Variants in SLC7A8 observed in about 807,000 individuals in gnomAD.
The protein encoded by SLC7A8 is solute carrier family 7 member 8.
SLC7A8 carries 30 observed loss-of-function variants against 51.2 expected under a neutral mutation model. That is an observed-to-expected ratio of 0.59 (90% CI 0.44 to 0.80). The LOEUF is 0.80. SLC7A8 is among the 30% of genes least tolerant of loss of function. The probability of loss-of-function intolerance (pLI) is 0.00; values close to 1 mark genes in which losing one functional copy is unlikely to be tolerated. For missense variants in SLC7A8, 612 were observed against 674.4 expected, an observed-to-expected ratio of 0.91 and a Z score of 1.03; for synonymous variants, 257 against 275.8, an observed-to-expected ratio of 0.93 and a Z score of 0.67.
rs143587255 is a variant in SLC7A8, at chr14:23,127,221, T to C, written c.1564A>G (p.Thr522Ala). The change falls in exon 11 of 11, where the codon ACT (threonine) becomes GCT (alanine). Residue 522 changes from threonine to alanine, a missense_variant. Transcript: ENST00000316902. Reference sequence around the variant, plus strand: ...GCCACGTCCTTGTCCTTCGTGGGAGTGGGTTGGTACATGGGCTGCTGCTGC... The same window carrying C: ...GCCACGTCCTTGTCCTTCGTGGGAGCGGGTTGGTACATGGGCTGCTGCTGC... ...EEQQQPMYQP[T>A]PTKDKDVAGQ... 1 of 1,613,860 alleles carries C rather than the reference T, an allele frequency of 6.2e-7. No individual in the cohort carries two copies.
intron 3 of SLC7A8, chr14:23,154,497 C>A: frequency 1.0e-5 from 10 of 984,114 alleles, no homozygotes; most frequent in South Asian, 4.7e-5. Context: ...CCGCCTCCCC[C>A]GCTTGTGGAA....
chr14:23,160,533 T>C (rs556475730), intron 3 of SLC7A8, among the ~76,000 whole-genome samples: 21 of 144,346 alleles, frequency 1.5e-4, no homozygotes, highest in Non-Finnish European at 2.7e-4. Context: ...ATCGCGCCAC[T>C]GCACTCCAGC....
Position 23,131,566 on chromosome 14 carries a change from G to C in SLC7A8, c.1017-9C>G, listed in dbSNP as rs373515514. ...CTCCAGCGAAGAACAGCCTGTCAGG[G>C]AGAAAAGCAGGTCAGCCTGGGATAA... is the stretch of plus-strand genomic sequence containing the variant. On this transcript the variant is annotated splice_polypyrimidine_tract_variant and intron_variant, in intron 7 of 10. Transcript: ENST00000316902. 7.5e-6 allele frequency: 12 copies of C among 1,591,662 alleles called. No homozygotes were observed. The highest frequency in any genetic ancestry group is 9.4e-6 in the Non-Finnish European group (11 of 1,169,480).
At chr14:23,178,235 C>T (rs531702071) in intron 1 of SLC7A8, among the ~76,000 whole-genome samples, 39 of 152,286 alleles carry the variant, frequency 2.6e-4, no homozygotes, top group South Asian at 2.1e-3. Context: ...GCTCTGGTAT[C>T]ATTAATAAAT....
At chr14:23,127,379 C>G in intron 10 of SLC7A8, 36 bp from the exon 11 acceptor site, 1 of 1,605,428 alleles carries the variant, frequency 6.2e-7, no homozygotes, top group Non-Finnish European at 8.5e-7. Flanking sequence ...CAGGCCAATG[C>G]TGAGTATCCC....
intron 3 of SLC7A8, chr14:23,155,233 C>A: frequency 6.5e-7 from 1 of 1,536,086 alleles, no homozygotes; most frequent in Non-Finnish European, 8.7e-7. Context: ...GGAAGGGCCT[C>A]TCTCTTCCAA....
At chr14:23,135,049 G>A (rs1322059722) in intron 7 of SLC7A8, among the ~76,000 whole-genome samples, 1 of 152,076 alleles carries the variant, frequency 6.6e-6, no homozygotes, top group African/African-American at 2.4e-5. Context: ...TTACAGGCGT[G>A]AGCCACCACG....
intron 7 of SLC7A8, among the ~76,000 whole-genome samples, chr14:23,131,995 C>G (rs1437498325): frequency 6.8e-6 from 1 of 146,440 alleles, no homozygotes; most frequent in African/African-American, 2.5e-5. Flanking sequence ...TTTAAAAACA[C>G]TCTATTTTTT....
intron 7 of SLC7A8, among the ~76,000 whole-genome samples, chr14:23,137,679 A>G (rs958208340): frequency 6.6e-6 from 1 of 152,284 alleles, no homozygotes; most frequent in Non-Finnish European, 1.5e-5. Context: ...GAGACAGGCC[A>G]CTACATGTGA....
At chr14:23,155,569 CG>C in intron 3 of SLC7A8, 2 of 1,104,264 alleles carry the variant, frequency 1.8e-6, no homozygotes, top group Non-Finnish European at 2.3e-6. Context: ...TGGCCTGGAT[CG>C]GGGAGAAGCG....
chr14:23,136,712 A>G (rs896693590), intron 7 of SLC7A8, among the ~76,000 whole-genome samples: 5 of 152,246 alleles, frequency 3.3e-5, no homozygotes, highest in African/African-American at 1.2e-4. Flanking sequence ...GACCACATGC[A>G]CGCAGACCGC....
At chr14:23,178,106 G>A (rs563142950) in intron 1 of SLC7A8, among the ~76,000 whole-genome samples, 1 of 152,280 alleles carries the variant, frequency 6.6e-6, no homozygotes, top group East Asian at 1.9e-4. Flanking sequence ...TGGAGGAAGA[G>A]GTAATAAAGT....
rs149245114 is a variant in SLC7A8 at position 23,143,159 on chromosome 14, C to T, written c.554G>A (p.Arg185Gln). 34 of 1,614,024 alleles carry T rather than the reference C, an allele frequency of 2.1e-5. No individual in the cohort carries two copies. Among genetic ancestry groups the T allele is most frequent in the African/African-American group, 6.7e-5 (5 of 74,904 alleles). The change falls in exon 4 of 11, where the codon CGG (arginine) becomes CAG (glutamine). Residue 185 changes from arginine to glutamine, a missense_variant. Arg to Gln is a conservative substitution (Grantham distance 43). Coordinates refer to ENST00000316902, the MANE Select transcript of SLC7A8 (RefSeq NM_012244.4). Reference sequence around the variant, plus strand: ...CCCAGCTGTGAAGATGTCTTGAACCCGGGTGGCCCACCGCACACTGGAACA... The same window carrying T: ...CCCAGCTGTGAAGATGTCTTGAACCTGGGTGGCCCACCGCACACTGGAACA... ...VNCSSVRWATRVQDIFTAGKL... is the reference protein window; with the variant it reads ...VNCSSVRWATQVQDIFTAGKL...
intron 3 of SLC7A8, among the ~76,000 whole-genome samples, chr14:23,161,809 C>G (rs1043981811): frequency 6.6e-6 from 1 of 151,810 alleles, no homozygotes; most frequent in Non-Finnish European, 1.5e-5. Flanking sequence ...TGCCTGTAAT[C>G]CCAGCAACCT....
At position 23,182,906 on chromosome 14, in the gene SLC7A8, T is replaced by G. The variant is rs1416618703; in HGVS notation, c.9A>C (p.Glu3Asp). The G allele has an allele frequency of 2.5e-6, 4 of 1,614,124 alleles. No homozygotes were observed. The highest frequency in any genetic ancestry group is 3.4e-6 in the Non-Finnish European group (4 of 1,179,992). Residue 3 changes from glutamate to aspartate, a missense_variant, in exon 1 of 11, where the codon GAA (glutamate) becomes GAC (aspartate). By Grantham distance (45) the Glu-to-Asp change is conservative. Coordinates refer to ENST00000316902, the MANE Select transcript of SLC7A8 (RefSeq NM_012244.4). ME[E>D]GARHRNNTEK... ...CGGTGTTGTTTCGGTGCCTGGCTCC[T>G]TCTTCCATCCTTCTCAGTAGGATTG...
chr14:23,181,456 G>A (rs1877172785), intron 1 of SLC7A8, among the ~76,000 whole-genome samples: 1 of 151,466 alleles, frequency 6.6e-6, no homozygotes, highest in Non-Finnish European at 1.5e-5. Context: ...TGGGGGTGGG[G>A]GGGGGATGGG....
chr14:23,132,883 G>A (rs1053534125), intron 7 of SLC7A8, among the ~76,000 whole-genome samples: 2 of 151,746 alleles, frequency 1.3e-5, no homozygotes, highest in African/African-American at 2.4e-5. Context: ...TGATCTGCCC[G>A]CCTCGGCCTC....
intron 3 of SLC7A8, among the ~76,000 whole-genome samples, chr14:23,148,725 G>A (rs1487878112): frequency 6.6e-6 from 1 of 152,220 alleles, no homozygotes; most frequent in Non-Finnish European, 1.5e-5. Flanking sequence ...GGGGCCATGA[G>A]CCAAAGAATG....
Position 23,127,097 on chromosome 14 carries a change from T to C in SLC7A8, c.*80A>G. On this transcript the variant is annotated 3_prime_UTR_variant, in exon 11 of 11. Transcript: ENST00000316902. ...AGCAGAGAGAGGGGTGTGTGTGTAC[T>C]CGCATGTGTTGGCAGGACCAAGGCA... 1 of 1,534,034 alleles carries C rather than the reference T, an allele frequency of 6.5e-7. No individual in the cohort carries two copies. Among genetic ancestry groups the C allele is most frequent in the South Asian group, 1.2e-5 (1 of 85,616 alleles).
Sources: gnomAD v4.1 joint callset for allele counts (sites outside exome capture counted in the v4.1 genomes callset) on GRCh38, gnomAD v4.1.1 for gene constraint, MANE v1.5 for transcripts, NCBI Gene and HGNC (gene_info 2026-07-23, HGNC 2026-07-21) for gene names.